Variants in CDK14 observed in about 807,000 individuals in gnomAD.
CDK14 encodes cyclin-dependent kinase 14.
CDK14 carries 34 observed loss-of-function variants against 60.7 expected under a neutral mutation model. That is an observed-to-expected ratio of 0.56 (90% confidence interval 0.43 to 0.75). The LOEUF is 0.75. Ranked by LOEUF, CDK14 falls within the 30% of genes least tolerant of loss-of-function variation. CDK14 has a pLI of 0.00. For missense variants in CDK14, 482 were observed against 564.1 expected (o/e 0.85, Z 1.47); for synonymous variants, 197 against 203.7 (o/e 0.97, Z 0.28).
At chr7:90,799,257 C>T (rs1788542989) in intron 5 of CDK14, among the ~76,000 whole-genome samples, 3 of 152,178 alleles carry the variant, frequency 2.0e-5, no homozygotes, top group Admixed American at 6.5e-5. Context: ...TGTGCTTGCA[C>T]AGCCAGAGCC....
intron 2 of CDK14, among the ~76,000 whole-genome samples, chr7:90,610,371 A>G (rs1799514073): frequency 6.6e-6 from 1 of 152,180 alleles, no homozygotes; most frequent in Non-Finnish European, 1.5e-5. Context: ...AACGTCAGGC[A>G]ACTGTGGACC....
At chr7:90,860,027 T>C (rs1425910064) in intron 5 of CDK14, among the ~76,000 whole-genome samples, 1 of 152,166 alleles carries the variant, frequency 6.6e-6, no homozygotes, top group East Asian at 1.9e-4. Flanking sequence ...AAGAGGAAAC[T>C]TCTGTGTTTT....
Position 90,600,656 on chromosome 7 carries a change from GAGAAATATA to G in CDK14, c.92-3559_92-3551del, listed in dbSNP as rs542150112. On this transcript the variant is annotated intron_variant, in intron 1 of 14. Coordinates refer to ENST00000380050, the MANE Select transcript of CDK14 (RefSeq NM_001287135.2). ...GTGACGAATTCATTATGTCAGAAAA[GAGAAATATA>G]AGGTTAAATGTTCAGACACAAAATT... Among the ~76,000 whole-genome samples the G allele has an allele frequency of 5.1e-4, 78 of 152,324 alleles. 2 individuals carry two copies. Among genetic ancestry groups the G allele is most frequent in the Admixed American group, 4.9e-3 (75 of 15,302 alleles).
At chr7:90,616,804 A>G (rs185797673) in intron 2 of CDK14, among the ~76,000 whole-genome samples, 1 of 152,332 alleles carries the variant, frequency 6.6e-6, no homozygotes, top group East Asian at 1.9e-4. Flanking sequence ...TTGGATGACC[A>G]CAGTTTTGGA....
intron 14 of CDK14, among the ~76,000 whole-genome samples, chr7:91,133,020 T>A (rs1251624226): frequency 1.3e-5 from 2 of 152,156 alleles, no homozygotes; most frequent in Non-Finnish European, 2.9e-5. Context: ...TAATTTAAAT[T>A]TTGTGAATAT....
At chr7:90,880,786 G>GA (rs571497789) in intron 6 of CDK14, among the ~76,000 whole-genome samples, 329 of 152,160 alleles carry the variant, frequency 2.2e-3, no homozygotes, top group Non-Finnish European at 4.1e-3. Context: ...GGACAGGAAC[G>GA]AATCAGATGA....
At chr7:90,675,480 A>G (rs13228579) in intron 2 of CDK14, among the ~76,000 whole-genome samples, 3 of 152,268 alleles carry the variant, frequency 2.0e-5, no homozygotes, top group South Asian at 2.1e-4. Context: ...ATTGCAAAGT[A>G]TCATCAACAG....
chr7:90,800,611 A>G (rs1264774586), intron 5 of CDK14, among the ~76,000 whole-genome samples: 1 of 152,110 alleles, frequency 6.6e-6, no homozygotes, highest in Non-Finnish European at 1.5e-5. Flanking sequence ...ACTGTATGGT[A>G]CAATTGCTTG....
chr7:91,112,860 G>C (rs538028601), intron 13 of CDK14, among the ~76,000 whole-genome samples, 179 bp downstream of exon 13: 4 of 151,658 alleles, frequency 2.6e-5, no homozygotes, highest in Admixed American at 2.6e-4. Context: ...TGTGGAGAGA[G>C]AGAGAGAGAG....
At chr7:90,969,143 C>T (rs1276287397) in intron 9 of CDK14, among the ~76,000 whole-genome samples, 3 of 152,102 alleles carry the variant, frequency 2.0e-5, no homozygotes, top group Non-Finnish European at 4.4e-5. Context: ...TAATCTGTAC[C>T]GGAAAGGTTT....
At chr7:90,917,763 T>G (rs1793124781) in intron 8 of CDK14, 39 bp downstream of exon 8, 1 of 1,605,200 alleles carries the variant, frequency 6.2e-7, no homozygotes. Context: ...TTTGTCATAC[T>G]GTGAGAATGC....
At chr7:90,720,569 A>G (rs1191430642) in intron 2 of CDK14, among the ~76,000 whole-genome samples, 2 of 152,206 alleles carry the variant, frequency 1.3e-5, no homozygotes, top group Non-Finnish European at 2.9e-5. Context: ...AATGTCATAT[A>G]CTAATTTAGT....
At chr7:90,861,589 T>C (rs1791011463) in intron 5 of CDK14, among the ~76,000 whole-genome samples, 2 of 152,132 alleles carry the variant, frequency 1.3e-5, no homozygotes, top group African/African-American at 4.8e-5. Flanking sequence ...TTGGAAAGCA[T>C]TGCCTCTAGG....
At chr7:91,058,326 T>C (rs1340640514) in intron 11 of CDK14, among the ~76,000 whole-genome samples, 2 of 152,208 alleles carry the variant, frequency 1.3e-5, no homozygotes, top group Non-Finnish European at 2.9e-5. Context: ...TGGGGTTTTC[T>C]AGATATACAA....
intron 14 of CDK14, among the ~76,000 whole-genome samples, chr7:91,130,802 T>C (rs1055414504): frequency 2.6e-5 from 4 of 152,174 alleles, no homozygotes; most frequent in African/African-American, 9.6e-5. Flanking sequence ...TTTCCTTTTT[T>C]ATATGCATCA....
At chr7:90,887,134 T>G (rs1791970038) in intron 6 of CDK14, among the ~76,000 whole-genome samples, 1 of 152,162 alleles carries the variant, frequency 6.6e-6, no homozygotes, top group Admixed American at 6.5e-5. Context: ...GAGAGCTACT[T>G]GGAACCAATT....
intron 8 of CDK14, among the ~76,000 whole-genome samples, chr7:90,923,657 G>A (rs904033685): frequency 1.1e-4 from 16 of 152,138 alleles, no homozygotes; most frequent in African/African-American, 3.1e-4. Flanking sequence ...GTGAGGTAAC[G>A]AGACATCTTT....
At chr7:91,062,518 G>A (rs562247026) in intron 11 of CDK14, among the ~76,000 whole-genome samples, 1 of 151,164 alleles carries the variant, frequency 6.6e-6, no homozygotes, top group Non-Finnish European at 1.5e-5. Flanking sequence ...GACTGGAGCT[G>A]TTCCTATTCG....
chr7:90,880,002 G>C (rs1399874678), intron 6 of CDK14, among the ~76,000 whole-genome samples: 1 of 152,148 alleles, frequency 6.6e-6, no homozygotes, highest in Non-Finnish European at 1.5e-5. Context: ...ATGCCACCAG[G>C]GCCTAGCACC....
Sources: allele counts gnomAD v4.1 joint callset (sites outside exome capture counted in the v4.1 genomes callset), GRCh38; gene constraint gnomAD v4.1.1; transcripts MANE v1.5; gene names NCBI Gene and HGNC (gene_info 2026-07-23, HGNC 2026-07-21).